Variants in KCND2 observed in about 807,000 individuals in gnomAD.
The protein encoded by KCND2 is potassium voltage-gated channel subfamily D member 2, also known as A-type voltage-gated potassium channel KCND2.
A neutral mutation model predicts 54.4 loss-of-function variants in KCND2; 16 were observed. The ratio of observed to expected loss-of-function variants is 0.29; its 90% CI spans 0.20 to 0.45. The LOEUF is 0.45. KCND2 is among the 20% of genes least tolerant of loss of function. The pLI, the probability that KCND2 is intolerant of heterozygous loss-of-function variation, is 1.00. For synonymous variants in KCND2, 317 were observed against 310.7 expected (o/e 1.02, Z -0.21); for missense variants, 486 against 824.2 (o/e 0.59, Z 5.02).
intron 1 of KCND2, among the ~76,000 whole-genome samples, chr7:120,680,762 A>G (rs1398259219): frequency 1.3e-5 from 2 of 152,122 alleles, no homozygotes; most frequent in Non-Finnish European, 2.9e-5. Context: ...TGCCATAAAA[A>G]TCCCTTCATT....
intron 1 of KCND2, among the ~76,000 whole-genome samples, chr7:120,678,009 G>T (rs962494870): frequency 6.6e-6 from 1 of 151,834 alleles, no homozygotes; most frequent in Non-Finnish European, 1.5e-5. Context: ...TCATTAATTT[G>T]TGGGCCAATT....
rs1802546233 is a variant in KCND2, at chr7:120,477,238, GAGAC to G, written c.1115+201495_1115+201498del. On this transcript the variant is annotated intron_variant, in intron 1 of 5. Transcript: ENST00000331113. ...ATGAAGCACTACCATTTAAATTTAA[GAGAC>G]AGAGAAGAACACCAAGCAAACGCTA... 3.9e-5 allele frequency among the ~76,000 whole-genome samples: 6 copies of G among 152,262 alleles called. No individual in the cohort carries two copies. The South Asian group carries it at 1.2e-3, about 32-fold the overall frequency.
At chr7:120,605,607 TG>T (rs1228023303) in intron 1 of KCND2, among the ~76,000 whole-genome samples, 1 of 152,218 alleles carries the variant, frequency 6.6e-6, no homozygotes. Context: ...ATGGGCCATA[TG>T]GCAACTCAAG....
intron 1 of KCND2, among the ~76,000 whole-genome samples, chr7:120,343,631 G>A (rs1584739176): frequency 6.6e-6 from 1 of 152,168 alleles, no homozygotes; most frequent in East Asian, 1.9e-4. Context: ...ATATCAGGAT[G>A]AGAAGTTGTG....
chr7:120,316,408 C>T (rs1338430218), intron 1 of KCND2, among the ~76,000 whole-genome samples: 3 of 152,166 alleles, frequency 2.0e-5, no homozygotes, highest in Non-Finnish European at 4.4e-5. Context: ...TCCAATTTCC[C>T]CTAATGTTTT....
intron 1 of KCND2, among the ~76,000 whole-genome samples, chr7:120,709,538 A>G (rs1161604650): frequency 6.6e-6 from 1 of 152,162 alleles, no homozygotes; most frequent in Non-Finnish European, 1.5e-5. Context: ...TTGAAAGAAA[A>G]AGAGGCTGAG....
At chr7:120,596,248 G>T (rs1014136162) in intron 1 of KCND2, among the ~76,000 whole-genome samples, 11 of 152,086 alleles carry the variant, frequency 7.2e-5, no homozygotes, top group African/African-American at 2.7e-4. Flanking sequence ...TTAAATATTG[G>T]CCCATCACTG....
At chr7:120,354,718 C>G (rs1216014743) in intron 1 of KCND2, among the ~76,000 whole-genome samples, 2 of 152,188 alleles carry the variant, frequency 1.3e-5, no homozygotes, top group Non-Finnish European at 2.9e-5. Flanking sequence ...GCCACTGCGG[C>G]ACTTCAGCTC....
chr7:120,282,187 T>C (rs967578498), intron 1 of KCND2, among the ~76,000 whole-genome samples: 2 of 152,110 alleles, frequency 1.3e-5, no homozygotes, highest in African/African-American at 4.8e-5. Flanking sequence ...CTTATGTAAA[T>C]ACGAGTAGCT....
At chr7:120,448,431 G>C (rs1389699165) in intron 1 of KCND2, among the ~76,000 whole-genome samples, 3 of 151,982 alleles carry the variant, frequency 2.0e-5, no homozygotes, top group Non-Finnish European at 4.4e-5. Flanking sequence ...GTCTATCATT[G>C]ATGGACATTT....
intron 1 of KCND2, among the ~76,000 whole-genome samples, chr7:120,521,011 G>A (rs918776607): frequency 2.0e-5 from 3 of 152,100 alleles, no homozygotes; most frequent in Non-Finnish European, 4.4e-5. Flanking sequence ...GTGGAAAATA[G>A]TAACAGGACC....
chr7:120,455,584 A>G (rs1452308861), intron 1 of KCND2, among the ~76,000 whole-genome samples: 2 of 152,190 alleles, frequency 1.3e-5, no homozygotes, highest in East Asian at 3.8e-4. Context: ...AATCAACCTG[A>G]ATTCTCATCA....
intron 1 of KCND2, among the ~76,000 whole-genome samples, chr7:120,470,022 G>C (rs1394574899): frequency 1.3e-5 from 2 of 152,078 alleles, no homozygotes; most frequent in Non-Finnish European, 2.9e-5. Flanking sequence ...CTCTGATGGG[G>C]TGGAATACAG....
chr7:120,395,452 C>T (rs1801139983), intron 1 of KCND2, among the ~76,000 whole-genome samples: 1 of 151,988 alleles, frequency 6.6e-6, no homozygotes, highest in African/African-American at 2.4e-5. Flanking sequence ...TTACTACAGT[C>T]ACTCAAATTT....
At chr7:120,702,355 G>A (rs144013585) in intron 1 of KCND2, among the ~76,000 whole-genome samples, 12 of 152,204 alleles carry the variant, frequency 7.9e-5, no homozygotes, top group African/African-American at 2.9e-4. Flanking sequence ...GTGTAAATTC[G>A]TTCAACCATT....
At chr7:120,439,012 A>G (rs954666413) in intron 1 of KCND2, among the ~76,000 whole-genome samples, 1 of 152,106 alleles carries the variant, frequency 6.6e-6, no homozygotes, top group Non-Finnish European at 1.5e-5. Flanking sequence ...TTAGTTTAAG[A>G]AGGTCAATAG....
chr7:120,363,035 G>A (rs1278755610), intron 1 of KCND2, among the ~76,000 whole-genome samples: 1 of 151,986 alleles, frequency 6.6e-6, no homozygotes, highest in Non-Finnish European at 1.5e-5. Flanking sequence ...GGGTGTCGTG[G>A]CTCACATCTG....
At chr7:120,293,094 A>G (rs1799458913) in intron 1 of KCND2, among the ~76,000 whole-genome samples, 1 of 151,854 alleles carries the variant, frequency 6.6e-6, no homozygotes, top group Non-Finnish European at 1.5e-5. Context: ...TATACTGTTG[A>G]TTCATAGTTG....
chr7:120,464,011 AGTTTT>A (rs1463867766), intron 1 of KCND2: 20 of 913,880 alleles, frequency 2.2e-5, no homozygotes, highest in Non-Finnish European at 3.9e-6. Flanking sequence ...AATGTTTCTT[AGTTTT>A]GTTTTTTTTT....
Sources: gnomAD v4.1 joint callset for allele counts (sites outside exome capture counted in the v4.1 genomes callset) on GRCh38, gnomAD v4.1.1 for gene constraint, MANE v1.5 for transcripts, NCBI Gene and HGNC (gene_info 2026-07-23, HGNC 2026-07-21) for gene names.